The following LARGE1 variants were observed in gnomAD, a reference collection of about 807,000 sequenced individuals.
LARGE1 encodes LARGE xylosyl- and glucuronyltransferase 1, also known as xylosyl- and glucuronyltransferase LARGE1.
A neutral mutation model predicts 87.6 loss-of-function variants in LARGE1; 43 were observed. The observed-to-expected ratio is 0.49, with a 90% CI of 0.38 to 0.63. The LOEUF (loss-of-function observed/expected upper bound fraction) is 0.63, where lower values mean the gene tolerates loss of function less well. Among genes scored for constraint, LARGE1 ranks in the 30% least tolerant of loss-of-function variants. The pLI is 0.00. For synonymous variants in LARGE1, 434 were observed against 394.6 expected (o/e 1.10, Z -1.18); for missense variants, 802 against 1,000.2 (o/e 0.80, Z 2.67).
At chr22:33,073,680 A>G in the LARGE1 span, among the ~76,000 whole-genome samples, 1 of 152,062 alleles carries the variant, frequency 6.6e-6, no homozygotes, top group Admixed American at 6.6e-5. Flanking sequence ...CATTCTTCAT[A>G]TTCTTTTGAA....
intron 6 of LARGE1, among the ~76,000 whole-genome samples, chr22:33,497,658 A>G (rs1326015002): frequency 1.3e-5 from 2 of 152,220 alleles, no homozygotes; most frequent in Non-Finnish European, 2.9e-5. Flanking sequence ...AATAAAGGAC[A>G]GTAACTCTTC....
chr22:33,237,088 C>T (rs1361498053), intron 11 of LARGE1, among the ~76,000 whole-genome samples: 1 of 152,174 alleles, frequency 6.6e-6, no homozygotes, highest in African/African-American at 2.4e-5. Flanking sequence ...TCCACTATAT[C>T]CCTCTGGAGA....
intron 3 of LARGE1, among the ~76,000 whole-genome samples, chr22:33,648,674 A>G (rs1168425546): frequency 6.6e-6 from 1 of 152,206 alleles, no homozygotes; most frequent in East Asian, 1.9e-4. Context: ...ATACATAGAG[A>G]TATTAAGTAA....
In LARGE1 at chr22:33,816,350, T is replaced by C. The variant is rs114218895; in HGVS notation, c.-82-54792A>G. On this transcript the variant is annotated intron_variant, in intron 1 of 14. Transcript: ENST00000397394. ...ACAACAGGCATTTATTTCTTATAGT[T>C]CTAGAGGCTGGGAAGTCCAAGGTCA... 4.8e-3 allele frequency among the ~76,000 whole-genome samples: 707 copies of C among 146,468 alleles called. 2 individuals are homozygous for C. The highest frequency in any genetic ancestry group is 0.016 in the African/African-American group (644 of 40,486).
chr22:33,435,632 G>C (rs911028640), intron 6 of LARGE1, among the ~76,000 whole-genome samples: 5 of 152,132 alleles, frequency 3.3e-5, no homozygotes, highest in African/African-American at 9.7e-5. Context: ...TGCAAAGATG[G>C]GGAGGCAGCA....
Position 33,407,693 on chromosome 22 carries a change from A to C in LARGE1, c.893-23389T>G, listed in dbSNP as rs199993068. On this transcript the variant is annotated intron_variant, in intron 7 of 14. Transcript: ENST00000397394. ...GCTAACTGGTGCAGGCAAGATCCTA[A>C]CCAAGTCTGCTCCCGAGACCATGCT... 4.6e-5 allele frequency among the ~76,000 whole-genome samples: 7 copies of C among 152,228 alleles called. No individual in the cohort carries two copies. In the South Asian group the frequency reaches 1.5e-3, roughly 32 times the overall value.
chr22:33,882,325 C>T (rs1461839392), intron 1 of LARGE1, among the ~76,000 whole-genome samples: 1 of 152,278 alleles, frequency 6.6e-6, no homozygotes, highest in Non-Finnish European at 1.5e-5. Context: ...CCACCGCACC[C>T]GGCCAATTCT....
intron 6 of LARGE1, among the ~76,000 whole-genome samples, chr22:33,529,809 G>T (rs570130308): frequency 1.3e-5 from 2 of 152,122 alleles, no homozygotes; most frequent in Non-Finnish European, 2.9e-5. Context: ...GTGTGTTCTC[G>T]GAAGATTATT....
At chr22:33,606,570 TCA>T (rs922904306) in intron 4 of LARGE1, among the ~76,000 whole-genome samples, 1 of 151,940 alleles carries the variant, frequency 6.6e-6, no homozygotes, top group Non-Finnish European at 1.5e-5. Context: ...AGACCATCTC[TCA>T]GTTTCCCGCC....
chr22:33,297,510 G>A (rs1321010430), intron 12 of LARGE1, among the ~76,000 whole-genome samples: 6 of 151,864 alleles, frequency 4.0e-5, no homozygotes, highest in South Asian at 4.2e-4. Flanking sequence ...CTACTTGGGA[G>A]GCTGAGGCAG....
At chr22:33,187,726 G>A (rs1232609844) in intron 11 of LARGE1, among the ~76,000 whole-genome samples, 1 of 151,720 alleles carries the variant, frequency 6.6e-6, no homozygotes, top group Non-Finnish European at 1.5e-5. Context: ...AGACCATCCT[G>A]GCTAACACAG....
chr22:33,829,870 G>A (rs1017385565), intron 1 of LARGE1, among the ~76,000 whole-genome samples: 1 of 152,138 alleles, frequency 6.6e-6, no homozygotes, highest in African/African-American at 2.4e-5. Flanking sequence ...CCCATTCTGA[G>A]CCAAGGAGCT....
chr22:33,851,920 C>A (rs975445788), intron 1 of LARGE1, among the ~76,000 whole-genome samples: 1 of 152,090 alleles, frequency 6.6e-6, no homozygotes, highest in African/African-American at 2.4e-5. Context: ...TGTTTTTGTG[C>A]CTTGCAGTGA....
intron 11 of LARGE1, among the ~76,000 whole-genome samples, chr22:33,256,037 C>T (rs1927245009): frequency 6.6e-6 from 1 of 152,174 alleles, no homozygotes. Flanking sequence ...TCAGTTGTCC[C>T]TTATTGATCT....
At chr22:33,434,425 C>T (rs986325914) in intron 6 of LARGE1, among the ~76,000 whole-genome samples, 1 of 152,104 alleles carries the variant, frequency 6.6e-6, no homozygotes, top group East Asian at 1.9e-4. Context: ...CTCAGCCTCC[C>T]GAGTAGCTGG....
At chr22:33,488,116 C>A (rs2069667548) in intron 6 of LARGE1, among the ~76,000 whole-genome samples, 1 of 152,202 alleles carries the variant, frequency 6.6e-6, no homozygotes. Context: ...ATTTCAAACA[C>A]CGTTGACTTC....
chr22:33,433,607 C>CAAAAAAAAAAAA (rs57605083), intron 6 of LARGE1, among the ~76,000 whole-genome samples: 900 of 88,054 alleles, frequency 0.01, no homozygotes, highest in East Asian at 0.011. Context: ...AAAAACAAAA[C>CAAAAAAAAAAAA]AAAAAAAAAA....
At chr22:33,536,720 A>T (rs971464029) in intron 6 of LARGE1, among the ~76,000 whole-genome samples, 13 of 152,402 alleles carry the variant, frequency 8.5e-5, no homozygotes, top group Non-Finnish European at 1.9e-4. Context: ...CACGTCAGGC[A>T]TGATGACTCC....
At chr22:33,448,189 C>T (rs991062621) in intron 6 of LARGE1, among the ~76,000 whole-genome samples, 6 of 152,016 alleles carry the variant, frequency 3.9e-5, no homozygotes, top group Admixed American at 2.0e-4. Context: ...GGTTGCACAA[C>T]GTTGTGAAAA....
Sources: gnomAD v4.1 joint callset for allele counts (sites outside exome capture counted in the v4.1 genomes callset) on GRCh38, gnomAD v4.1.1 for gene constraint, MANE v1.5 for transcripts, NCBI Gene and HGNC (gene_info 2026-07-23, HGNC 2026-07-21) for gene names.